The following RGS20 variants were observed in gnomAD, a reference collection of about 807,000 sequenced individuals.
RGS20 encodes the protein gz-selective GTPase-activating protein.
In RGS20, 30 loss-of-function variants were observed where a neutral mutation model predicts 33.6. The observed-to-expected ratio is 0.89, with a 90% CI of 0.67 to 1.21. RGS20 has a LOEUF of 1.21. RGS20 is among the 50% of genes most tolerant of loss of function. RGS20 has a pLI of 0.00. For missense variants in RGS20, 472 were observed against 502.4 expected, an observed-to-expected ratio of 0.94 and a Z score of 0.58; for synonymous variants, 208 against 197.9, an observed-to-expected ratio of 1.05 and a Z score of -0.43.
intron 1 of RGS20, among the ~76,000 whole-genome samples, chr8:53,860,551 G>A (rs764691860): frequency 3.5e-5 from 5 of 143,914 alleles, no homozygotes; most frequent in Non-Finnish European, 7.4e-5. Flanking sequence ...CTCAGACCAG[G>A]AATCTGTGGA....
intron 3 of RGS20, among the ~76,000 whole-genome samples, chr8:53,944,171 T>C (rs1814394190): frequency 6.6e-6 from 1 of 152,214 alleles, no homozygotes; most frequent in Non-Finnish European, 1.5e-5. Context: ...TCCATTTTCA[T>C]GTTGATGGGA....
chr8:53,907,241 G>A (rs890528788), intron 2 of RGS20, among the ~76,000 whole-genome samples: 5 of 151,916 alleles, frequency 3.3e-5, no homozygotes, highest in Admixed American at 2.0e-4. Context: ...TTTTTTTTCT[G>A]AAGCATTTGA....
intron 2 of RGS20, among the ~76,000 whole-genome samples, chr8:53,904,234 T>C (rs570833646): frequency 6.6e-6 from 1 of 152,150 alleles, no homozygotes; most frequent in Admixed American, 6.5e-5. Context: ...GTGATTCTCC[T>C]GCCTCACCCT....
intron 1 of RGS20, among the ~76,000 whole-genome samples, chr8:53,864,612 T>G (rs1811881881): frequency 1.3e-5 from 2 of 152,200 alleles, no homozygotes; most frequent in South Asian, 2.1e-4. Context: ...CATCTGCAGA[T>G]GGACCTCGTA....
chr8:53,853,140 C>T (rs1320844972), intron 1 of RGS20, among the ~76,000 whole-genome samples: 10 of 152,026 alleles, frequency 6.6e-5, no homozygotes, highest in Admixed American at 5.2e-4. Flanking sequence ...TTAATGTAGG[C>T]GACACATGCA....
At chr8:53,946,576 G>A (rs973038796) in intron 3 of RGS20, 89 bp from the exon 3 acceptor site, 14 of 1,053,106 alleles carry the variant, frequency 1.3e-5, no homozygotes, top group Non-Finnish European at 1.8e-5. Flanking sequence ...TTAATACTTG[G>A]GGATCTGAAG....
At chr8:53,905,246 TAGTC>T (rs1813132915) in intron 2 of RGS20, among the ~76,000 whole-genome samples, 2 of 152,270 alleles carry the variant, frequency 1.3e-5, no homozygotes, top group African/African-American at 2.4e-5. Flanking sequence ...AAAACCCAAA[TAGTC>T]AGACAATAAA....
At chr8:53,949,354 C>G (rs1002770835) in intron 4 of RGS20, among the ~76,000 whole-genome samples, 2 of 147,718 alleles carry the variant, frequency 1.4e-5, no homozygotes, top group Non-Finnish European at 3.0e-5. Context: ...TGGATTTAAA[C>G]ATTTGAAAAT....
chr8:53,922,908 T>C (rs990642753), intron 2 of RGS20, among the ~76,000 whole-genome samples: 3 of 152,044 alleles, frequency 2.0e-5, no homozygotes, highest in African/African-American at 4.8e-5. Flanking sequence ...TGAGCCTCCT[T>C]CCTTGACCTC....
chr8:53,871,904 G>A (rs745444429), intron 1 of RGS20, among the ~76,000 whole-genome samples: 2 of 151,952 alleles, frequency 1.3e-5, no homozygotes, highest in African/African-American at 2.4e-5. Context: ...GTATGCTAGT[G>A]CTTCCAAATT....
At chr8:53,947,081 C>T (rs1193831992) in intron 4 of RGS20, among the ~76,000 whole-genome samples, 1 of 144,722 alleles carries the variant, frequency 6.9e-6, no homozygotes, top group Non-Finnish European at 1.5e-5. Context: ...TAAGATATAG[C>T]ATATATATTT....
intron 1 of RGS20, among the ~76,000 whole-genome samples, chr8:53,854,085 A>G (rs1275089335): frequency 6.6e-6 from 1 of 152,212 alleles, no homozygotes; most frequent in Non-Finnish European, 1.5e-5. Context: ...ACCCCCAAAT[A>G]TAACATGGGC....
Position 53,877,467 on chromosome 8 carries a change from G to A in RGS20, c.166-1791G>A, listed in dbSNP as rs1408559161. 2.6e-5 allele frequency among the ~76,000 whole-genome samples: 4 copies of A among 152,208 alleles called. No individual in the cohort carries two copies. Among genetic ancestry groups the A allele is most frequent in the Non-Finnish European group, 5.9e-5 (4 of 68,030 alleles). ...CCTCCACCCCAAGCCCCAGCCGGAG[G>A]GGCGCGTCCCCTGTCCTCCTCCCGA... On this transcript the variant is annotated intron_variant, in intron 1 of 5. Transcript: ENST00000297313. The surrounding 1 kb of genome is among the most constrained non-coding windows in gnomAD (Gnocchi z 5.7).
chr8:53,929,602 A>G (rs1813898081), intron 2 of RGS20, among the ~76,000 whole-genome samples: 7 of 152,208 alleles, frequency 4.6e-5, no homozygotes, highest in Admixed American at 4.6e-4. Context: ...CAAAAGGTGG[A>G]GGTTGCAGTG....
intron 2 of RGS20, among the ~76,000 whole-genome samples, chr8:53,925,928 AAGCAAAAGT>A (rs548164388): frequency 2.1e-3 from 325 of 152,234 alleles, no homozygotes; most frequent in Non-Finnish European, 3.3e-3. Context: ...AGGTTTATTA[AAGCAAAAGT>A]AGGCCGGGCT....
At chr8:53,897,051 G>T (rs1812883776) in intron 2 of RGS20, among the ~76,000 whole-genome samples, 1 of 152,224 alleles carries the variant, frequency 6.6e-6, no homozygotes, top group Non-Finnish European at 1.5e-5. Context: ...AGTGGAATTT[G>T]TGAAAAAAGA....
intron 1 of RGS20, among the ~76,000 whole-genome samples, chr8:53,861,817 T>C (rs1811814429): frequency 1.3e-5 from 2 of 152,212 alleles, no homozygotes; most frequent in Non-Finnish European, 2.9e-5. Flanking sequence ...TTTTTCTGTT[T>C]TTGCCTTGTC....
At chr8:53,915,595 G>A (rs966096202) in intron 2 of RGS20, among the ~76,000 whole-genome samples, 3 of 152,046 alleles carry the variant, frequency 2.0e-5, no homozygotes, top group Admixed American at 1.3e-4. Flanking sequence ...CAGCTGGGTC[G>A]CTTCCCTTTT....
intron 2 of RGS20, among the ~76,000 whole-genome samples, chr8:53,931,594 A>AAG (rs1813962605): frequency 6.8e-6 from 1 of 146,562 alleles, no homozygotes; most frequent in Admixed American, 6.8e-5. Flanking sequence ...ACAACAACAA[A>AAG]CAACCTGTGG....
Sources: gnomAD v4.1 joint callset for allele counts (sites outside exome capture counted in the v4.1 genomes callset) on GRCh38, gnomAD v4.1.1 for gene constraint, Gnocchi (gnomAD v3.1) non-coding constraint, MANE v1.5 for transcripts, NCBI Gene and HGNC (gene_info 2026-07-23, HGNC 2026-07-21) for gene names.